The following OPTC variants were observed in gnomAD, a reference collection of about 807,000 sequenced individuals.
OPTC encodes opticin.
A neutral mutation model predicts 25.4 loss-of-function variants in OPTC; 22 were observed. That is an observed-to-expected ratio of 0.87 (90% CI 0.62 to 1.24). The LOEUF is 1.24. OPTC is among the 50% of genes most tolerant of loss of function. OPTC has a pLI of 0.00. For synonymous variants in OPTC, 169 were observed against 179.3 expected, an observed-to-expected ratio of 0.94 and a Z score of 0.46; for missense variants, 417 against 425.2, an observed-to-expected ratio of 0.98 and a Z score of 0.17.
intron 3 of OPTC, 98 bp downstream of exon 3, chr1:203,497,213 TG>T: frequency 4.4e-6 from 6 of 1,378,566 alleles, no homozygotes; most frequent in Non-Finnish European, 6.1e-6. Context: ...TGGTTGGGGT[TG>T]GGGCATGGAG....
chr1:203,496,740 T>A (rs966049077), intron 2 of OPTC, among the ~76,000 whole-genome samples: 19 of 152,064 alleles, frequency 1.2e-4, no homozygotes, highest in African/African-American at 4.6e-4. Flanking sequence ...TGCTGGCTCT[T>A]TGATCCTCAT....
At chr1:203,496,630 G>T (rs1443675703) in intron 2 of OPTC, among the ~76,000 whole-genome samples, 1 of 152,174 alleles carries the variant, frequency 6.6e-6, no homozygotes, top group Non-Finnish European at 1.5e-5. Context: ...AAGCCCAGAA[G>T]CCCCTACTCA....
In OPTC at chr1:203,498,839, A is replaced by G. The variant is rs1215837522; in HGVS notation, c.529A>G (p.Thr177Ala). ...CAGGGCCGAAGACTTCAAAGGGCTG[A>G]GTATGTAATGCCCTGGGAAAAGAGG... Reference protein sequence around the residue: ...RIRAEDFKGLTKLKRIDLSNN... With the variant: ...RIRAEDFKGLAKLKRIDLSNN... The change falls in exon 4 of 8, where the codon ACA becomes GCA. Residue 177 changes from threonine to alanine, a missense_variant and splice_region_variant. Thr to Ala is a moderately conservative substitution (Grantham distance 58). Coordinates refer to ENST00000367222, the MANE Select transcript of OPTC (RefSeq NM_014359.4). The G allele has an allele frequency of 6.2e-7, 1 of 1,613,792 alleles. No homozygotes were observed.
chr1:203,495,936 C>A, intron 1 of OPTC, 29 bp from the exon 2 acceptor site: 1 of 1,024,406 alleles, frequency 9.8e-7, no homozygotes, highest in Non-Finnish European at 1.5e-6. Flanking sequence ...TCCCTCAGAT[C>A]GCTGCCCTTC....
intron 2 of OPTC, 139 bp downstream of exon 2, chr1:203,496,375 T>C (rs1022660215): frequency 3.0e-5 from 21 of 709,698 alleles, no homozygotes; most frequent in African/African-American, 1.9e-4. Flanking sequence ...TATCCCTCCA[T>C]AGGGACTTGT....
At chr1:203,506,926 C>A (rs370325967) in intron 7 of OPTC, among the ~76,000 whole-genome samples, 1 of 152,264 alleles carries the variant, frequency 6.6e-6, no homozygotes, top group Admixed American at 6.5e-5. Flanking sequence ...CAGGCCATTG[C>A]TGCTCCGGGA....
rs1174174347 is a variant in OPTC, at chr1:203,496,961, T to C, written c.232-16T>C. On this transcript the variant is annotated splice_polypyrimidine_tract_variant and intron_variant, in intron 2 of 7. Coordinates refer to ENST00000367222, the MANE Select transcript of OPTC (RefSeq NM_014359.4). ...GCAAAAGCTGGGCTACTGTGTACTC[T>C]GTGCTACATCTCCAGGTTAAGGTGA... 1.1e-5 allele frequency: 18 copies of C among 1,613,978 alleles called. No individual in the cohort carries two copies. Among genetic ancestry groups the C allele is most frequent in the Middle Eastern group, 1.6e-4 (1 of 6,084 alleles).
chr1:203,498,826 CTT>C lies in OPTC; in HGVS notation c.517_518del (p.Phe173GlnfsTer10). The C allele has an allele frequency of 6.2e-7, 1 of 1,613,972 alleles. No homozygotes were observed. The highest frequency in any genetic ancestry group is 8.5e-7 in the Non-Finnish European group (1 of 1,180,032). ...GCATCAGCCGTATCAGGGCCGAAGA[CTT>C]CAAAGGGCTGAGTATGTAATGCCCT... is the stretch of plus-strand genomic sequence containing the variant. ...NRISRIRAED[F>X]KGLTKLKRID... On this transcript the variant is annotated frameshift_variant, in exon 4 of 8. Transcript: ENST00000367222. LOFTEE classifies it high-confidence loss of function.
Position 203,498,745 on chromosome 1 carries a change from A to G in OPTC, c.435A>G (p.Leu145=), listed in dbSNP as rs1351118463. 2 of 1,614,174 alleles carry G rather than the reference A, an allele frequency of 1.2e-6. No homozygotes were observed. Among genetic ancestry groups the G allele is most frequent in the Non-Finnish European group, 1.7e-6 (2 of 1,180,034 alleles). ...CTGTGTATTGCGATGACATTGACCT[A>G]GAGGACATTCCTCCTCTTCCTCGGA... ...GSSVYCDDID[L]EDIPPLPRRT... Residue 145 remains leucine, a synonymous_variant, in exon 4 of 8, where the codon CTA becomes CTG. Transcript: ENST00000367222.
rs1378192380 is a variant in OPTC at position 203,508,745 on chromosome 1, AG to A, written c.*130del. On this transcript the variant is annotated 3_prime_UTR_variant, in exon 8 of 8. Coordinates refer to ENST00000367222, the MANE Select transcript of OPTC (RefSeq NM_014359.4). ...GCAGCATGGACAAAGGTCTCCATGCAGGGGGAGGAGGCCTGCTTCTTTCCCC... is the reference window on the plus strand; with the variant it reads ...GCAGCATGGACAAAGGTCTCCATGCAGGGGAGGAGGCCTGCTTCTTTCCCC... 6.6e-6 allele frequency: 1 copy of A among 152,180 alleles called. No homozygotes were observed. The highest frequency in any genetic ancestry group is 1.5e-5 in the Non-Finnish European group (1 of 68,054). The allele number at this position is 152,180 out of a possible 1,614,324, so 9.4% of individuals were successfully genotyped here.
At chr1:203,501,879 G>A (rs1266677034) in intron 5 of OPTC, among the ~76,000 whole-genome samples, 1 of 152,128 alleles carries the variant, frequency 6.6e-6, no homozygotes, top group Non-Finnish European at 1.5e-5. Flanking sequence ...GTTCCCCACT[G>A]CTCAGCCTCA....
intron 7 of OPTC, among the ~76,000 whole-genome samples, chr1:203,506,480 TA>T (rs35729215): frequency 0.55 from 81,176 of 146,300 alleles, 22,787 homozygotes; most frequent in East Asian, 0.8. Context: ...AAAATCTAAT[TA>T]AAAAAAAAAA....
rs965158486 is a variant in OPTC, at chr1:203,495,960, G to A, written c.-41-5G>A. ...TCGCTGCCCTTCCTCGTGCCCACTT[G>A]CCAGGACCAGCCGCTGAAGGGATTC... On this transcript the variant is annotated splice_region_variant and splice_polypyrimidine_tract_variant and intron_variant, in intron 1 of 7. Coordinates refer to ENST00000367222, the MANE Select transcript of OPTC (RefSeq NM_014359.4). 3 of 1,410,584 alleles carry A rather than the reference G, an allele frequency of 2.1e-6. No individual in the cohort carries two copies. Among genetic ancestry groups the A allele is most frequent in the Non-Finnish European group, 3.0e-6 (3 of 1,012,982 alleles). The allele number at this position is 1,410,584 out of a possible 1,614,324, so 87.4% of individuals were successfully genotyped here.
At chr1:203,503,085 C>T in intron 6 of OPTC, 76 bp downstream of exon 6, 1 of 1,151,558 alleles carries the variant, frequency 8.7e-7, no homozygotes, top group Non-Finnish European at 1.3e-6. Context: ...CAGGTCGTGG[C>T]AGAGAGAGGC....
chr1:203,502,575 C>G (rs1661407494), intron 5 of OPTC, among the ~76,000 whole-genome samples: 1 of 152,170 alleles, frequency 6.6e-6, no homozygotes, highest in African/African-American at 2.4e-5. Flanking sequence ...GAAGTTGAGG[C>G]AAAGCGGAAA....
At chr1:203,506,108 C>T (rs560725443) in intron 7 of OPTC, among the ~76,000 whole-genome samples, 2 of 151,950 alleles carry the variant, frequency 1.3e-5, no homozygotes, top group South Asian at 4.2e-4. Flanking sequence ...TAAAGTTCTC[C>T]AAATGCAAGA....
chr1:203,506,397 C>T (rs904473160), intron 7 of OPTC, among the ~76,000 whole-genome samples: 16 of 151,962 alleles, frequency 1.1e-4, no homozygotes, highest in East Asian at 3.9e-4. Flanking sequence ...GTGATCTGCC[C>T]GCCTCGGCCT....
At chr1:203,507,230 G>C (rs1490851609) in intron 7 of OPTC, among the ~76,000 whole-genome samples, 2 of 152,324 alleles carry the variant, frequency 1.3e-5, no homozygotes, top group African/African-American at 4.8e-5. Context: ...AGGGAAGGCA[G>C]AGAGCACCTC....
rs377512840 is a variant in OPTC, at chr1:203,498,768, G to T, written c.458G>T (p.Arg153Leu). Reference protein sequence around the residue: ...IDLEDIPPLPRRTAYLYARFN... With the variant: ...IDLEDIPPLPLRTAYLYARFN... ...CTAGAGGACATTCCTCCTCTTCCTC[G>T]GAGGACTGCCTACCTGTATGCACGC... The change falls in exon 4 of 8, where the codon CGG (arginine) becomes CTG (leucine). Residue 153 changes from arginine to leucine, a missense_variant. Transcript: ENST00000367222. The T allele has an allele frequency of 8.1e-6, 13 of 1,613,952 alleles. No homozygotes were observed. In the East Asian group the frequency reaches 2.2e-4, roughly 28 times the overall value.
Sources: allele counts gnomAD v4.1 joint callset (sites outside exome capture counted in the v4.1 genomes callset), GRCh38; gene constraint gnomAD v4.1.1; transcripts MANE v1.5; gene names NCBI Gene and HGNC (gene_info 2026-07-23, HGNC 2026-07-21).